The following COL19A1 variants were observed in gnomAD, a reference collection of about 807,000 sequenced individuals.
COL19A1 encodes collagen type XIX alpha 1 chain.
In COL19A1, 159 loss-of-function variants were observed where a neutral mutation model predicts 190.2. That is an observed-to-expected ratio of 0.84 (90% confidence interval 0.73 to 0.95). The LOEUF (loss-of-function observed/expected upper bound fraction) is 0.95, where lower values mean the gene tolerates loss of function less well. COL19A1 is among the 40% of genes least tolerant of loss of function. The pLI, the probability that COL19A1 is intolerant of heterozygous loss-of-function variation, is 0.00. For synonymous variants in COL19A1, 509 were observed against 458.9 expected (o/e 1.11, Z -1.39); for missense variants, 1,418 against 1,431.9 (o/e 0.99, Z 0.16).
intron 36 of COL19A1, among the ~76,000 whole-genome samples, chr6:70,164,351 G>A (rs1040197032): frequency 1.8e-4 from 28 of 152,070 alleles, no homozygotes; most frequent in African/African-American, 6.5e-4. Context: ...TATTTAGATC[G>A]GGGAAGTAAG....
intron 11 of COL19A1, among the ~76,000 whole-genome samples, chr6:69,991,656 T>A (rs530471991): frequency 2.0e-5 from 3 of 152,278 alleles, no homozygotes; most frequent in Admixed American, 1.3e-4. Flanking sequence ...GAGCATTTTT[T>A]AATATGCTTG....
chr6:70,140,766 G>A (rs546350941), intron 19 of COL19A1, among the ~76,000 whole-genome samples, 188 bp from the exon 20 acceptor site: 1 of 152,176 alleles, frequency 6.6e-6, no homozygotes, highest in East Asian at 1.9e-4. Flanking sequence ...GGAATATAAA[G>A]GAGTTTTTAA....
chr6:69,990,155 G>A (rs1354326418), intron 11 of COL19A1, among the ~76,000 whole-genome samples: 1 of 151,994 alleles, frequency 6.6e-6, no homozygotes, highest in Non-Finnish European at 1.5e-5. Flanking sequence ...AAAGTGTGCA[G>A]AATAAAATAT....
intron 2 of COL19A1, among the ~76,000 whole-genome samples, chr6:69,884,229 G>A (rs1010142920): frequency 2.0e-5 from 3 of 151,974 alleles, no homozygotes; most frequent in African/African-American, 4.8e-5. Context: ...CAGCTACTTG[G>A]GAGGCTGAGG....
At chr6:69,888,106 C>A (rs1769065679) in intron 2 of COL19A1, among the ~76,000 whole-genome samples, 1 of 152,136 alleles carries the variant, frequency 6.6e-6, no homozygotes, top group African/African-American at 2.4e-5. Flanking sequence ...CCTCAGAGGC[C>A]TATCTAAGGT....
rs551806798 is a variant in COL19A1 at position 70,076,289 on chromosome 6, A to G, written c.1224+7813A>G. Among the ~76,000 whole-genome samples, 11 of 152,368 alleles carry G rather than the reference A, an allele frequency of 7.2e-5. 1 individual carries two copies. The South Asian group carries it at 1.5e-3, about 20-fold the overall frequency. ...GCTATTTATTCTAACTGTTCTGCAT[A>G]ATATACACCCATTGTCTATTTTGTG... On this transcript the variant is annotated intron_variant, in intron 15 of 50. Transcript: ENST00000620364.
intron 15 of COL19A1, among the ~76,000 whole-genome samples, chr6:70,087,298 A>C (rs1294900739): frequency 1.3e-5 from 2 of 152,188 alleles, no homozygotes; most frequent in Non-Finnish European, 2.9e-5. Flanking sequence ...AAGCAGAGGA[A>C]GGGGATATGC....
chr6:70,176,373 C>G (rs777917437), intron 41 of COL19A1, 147 bp from the exon 42 acceptor site: 5 of 619,380 alleles, frequency 8.1e-6, no homozygotes, highest in Non-Finnish European at 1.3e-5. Context: ...TCCATCTACA[C>G]ACTAGCTTCA....
chr6:70,174,305 C>T (rs372118991), intron 41 of COL19A1, among the ~76,000 whole-genome samples: 4 of 152,298 alleles, frequency 2.6e-5, no homozygotes, highest in South Asian at 4.1e-4. Flanking sequence ...CAGTGGCTCA[C>T]GCCTGTAATC....
chr6:70,169,789 T>A (rs567930041), intron 40 of COL19A1, among the ~76,000 whole-genome samples: 1 of 152,210 alleles, frequency 6.6e-6, no homozygotes, highest in Non-Finnish European at 1.5e-5. Flanking sequence ...TTGATAAAAA[T>A]TTCCTCCTGG....
chr6:70,129,614 G>A (rs1334164273), intron 17 of COL19A1, among the ~76,000 whole-genome samples: 2 of 152,242 alleles, frequency 1.3e-5, no homozygotes, highest in Non-Finnish European at 2.9e-5. Flanking sequence ...TCTTACGGAG[G>A]CAGAGGCAGG....
intron 2 of COL19A1, among the ~76,000 whole-genome samples, chr6:69,887,107 C>T (rs1768998483): frequency 6.6e-6 from 1 of 152,062 alleles, no homozygotes; most frequent in Non-Finnish European, 1.5e-5. Context: ...ACTTTGAAAT[C>T]ATCATATATT....
chr6:69,995,193 T>C (rs1776834964), intron 11 of COL19A1, among the ~76,000 whole-genome samples: 1 of 152,202 alleles, frequency 6.6e-6, no homozygotes. Context: ...ATTGGGACCA[T>C]TTCTATGGAT....
At chr6:70,002,784 A>G (rs9454936) in intron 11 of COL19A1, among the ~76,000 whole-genome samples, 9,726 of 144,668 alleles carry the variant, frequency 0.067, 860 homozygotes, top group African/African-American at 0.2. Context: ...CTAGCTAGTG[A>G]TCTATCCATG....
chr6:70,180,324 G>A lies in COL19A1; in HGVS notation c.2680G>A (p.Ala894Thr). 1 of 1,614,140 alleles carries A rather than the reference G, an allele frequency of 6.2e-7. No individual in the cohort carries two copies. Among genetic ancestry groups the A allele is most frequent in the Non-Finnish European group, 8.5e-7 (1 of 1,180,000 alleles). ...GIAGMSGKPG[A>T]PGPPGVPGEP... ...TTTGCCTTGCCAGGGAAAACCTGGT[G>A]CCCCAGGGCCTCCAGGAGTTCCAGG... The change falls in exon 43 of 51, where the codon GCC becomes ACC. Residue 894 changes from alanine to threonine, a missense_variant. Ala to Thr is a moderately conservative substitution (Grantham distance 58). Coordinates refer to ENST00000620364, the MANE Select transcript of COL19A1 (RefSeq NM_001858.6).
chr6:70,182,902 G>T (rs1766268894), intron 44 of COL19A1, among the ~76,000 whole-genome samples: 1 of 152,162 alleles, frequency 6.6e-6, no homozygotes, highest in African/African-American at 2.4e-5. Flanking sequence ...AACAGGGGCA[G>T]TTCACCCTTC....
chr6:70,024,605 GT>G (rs1185700037), intron 12 of COL19A1, among the ~76,000 whole-genome samples: 11 of 150,490 alleles, frequency 7.3e-5, no homozygotes, highest in East Asian at 2.0e-4. Context: ...GTGTGTGTGT[GT>G]GTGTGTGTGG....
chr6:69,893,555 A>G (rs943211344), intron 2 of COL19A1, among the ~76,000 whole-genome samples: 1 of 152,158 alleles, frequency 6.6e-6, no homozygotes, highest in African/African-American at 2.4e-5. Context: ...GTTTTATTTA[A>G]CCCTGTATAT....
intron 50 of COL19A1, 40 bp from the exon 51 acceptor site, chr6:70,207,107 A>G (rs1767921618): frequency 6.2e-7 from 1 of 1,606,916 alleles, no homozygotes; most frequent in South Asian, 1.1e-5. Flanking sequence ...AGGAAGGGCC[A>G]TATGTGATCT....
Sources: allele counts gnomAD v4.1 joint callset (sites outside exome capture counted in the v4.1 genomes callset), GRCh38; gene constraint gnomAD v4.1.1; transcripts MANE v1.5; gene names NCBI Gene and HGNC (gene_info 2026-07-23, HGNC 2026-07-21).